Variants in CDK14 observed in about 807,000 individuals in gnomAD.
CDK14 encodes cyclin dependent kinase 14.
CDK14 carries 34 observed loss-of-function variants against 60.7 expected under a neutral mutation model. The ratio of observed to expected loss-of-function variants is 0.56; its 90% confidence interval spans 0.43 to 0.75. CDK14 has a LOEUF of 0.75. Among genes scored for constraint, CDK14 ranks in the 30% least tolerant of loss-of-function variants. CDK14 has a pLI of 0.00. For synonymous variants in CDK14, 197 were observed against 203.7 expected, an observed-to-expected ratio of 0.97 and a Z score of 0.28; for missense variants, 482 against 564.1, an observed-to-expected ratio of 0.85 and a Z score of 1.47.
intron 4 of CDK14, among the ~76,000 whole-genome samples, chr7:90,774,477 C>CT (rs1292890137): frequency 4.6e-5 from 7 of 151,980 alleles, no homozygotes; most frequent in Non-Finnish European, 1.0e-4. Context: ...TTCTCTAATC[C>CT]TTTTTTGTCA....
At chr7:91,142,604 C>T (rs1489258684) in intron 14 of CDK14, among the ~76,000 whole-genome samples, 4 of 152,202 alleles carry the variant, frequency 2.6e-5, no homozygotes, top group Non-Finnish European at 4.4e-5. Context: ...GAGCTGCTGT[C>T]TGAGAACTCA....
chr7:90,642,247 G>C (rs564637558), intron 2 of CDK14, among the ~76,000 whole-genome samples: 1 of 152,158 alleles, frequency 6.6e-6, no homozygotes, highest in Non-Finnish European at 1.5e-5. Context: ...TGCCAGAAAT[G>C]ACATACTTTG....
intron 14 of CDK14, among the ~76,000 whole-genome samples, chr7:91,161,948 CACTG>C (rs1801178024): frequency 6.6e-6 from 1 of 152,174 alleles, no homozygotes; most frequent in African/African-American, 2.4e-5. Flanking sequence ...TTTAATATAA[CACTG>C]AAGTAATAAA....
chr7:90,753,657 G>A (rs550722047), intron 4 of CDK14, among the ~76,000 whole-genome samples: 2 of 152,230 alleles, frequency 1.3e-5, no homozygotes, highest in South Asian at 2.1e-4. Flanking sequence ...GCAAGAGAAA[G>A]AAATAAAAGG....
rs1307709951 is a variant in CDK14, at chr7:90,596,667, G to C, written c.40G>C (p.Gly14Arg). The change falls in exon 1 of 15, where the codon GGC (glycine) becomes CGC (arginine). Residue 14 changes from glycine to arginine, a missense_variant. Transcript: ENST00000380050. Reference sequence around the variant, plus strand: ...TGAGCCGCAGCCGGCCGAGAAGATCGGCAAGATGAAGAAGTTGCGGAGAAC... The same window carrying C: ...TGAGCCGCAGCCGGCCGAGAAGATCCGCAAGATGAAGAAGTTGCGGAGAAC... ...LIEPQPAEKI[G>R]KMKKLRRTLS... 2 of 1,612,184 alleles carry C rather than the reference G, an allele frequency of 1.2e-6. No individual in the cohort carries two copies. The highest frequency in any genetic ancestry group is 1.7e-6 in the Non-Finnish European group (2 of 1,179,438).
At chr7:90,989,646 TG>T (rs1241253058) in intron 10 of CDK14, among the ~76,000 whole-genome samples, 1 of 152,126 alleles carries the variant, frequency 6.6e-6, no homozygotes, top group African/African-American at 2.4e-5. Context: ...GCAATAACGG[TG>T]GATTCTATAT....
At chr7:91,115,005 A>G (rs1276127833) in intron 13 of CDK14, among the ~76,000 whole-genome samples, 1 of 152,208 alleles carries the variant, frequency 6.6e-6, no homozygotes, top group African/African-American at 2.4e-5. Context: ...ATATTAGCAT[A>G]GAGTCTTGTA....
At chr7:90,694,997 C>G (rs1249514755) in intron 2 of CDK14, among the ~76,000 whole-genome samples, 2 of 152,144 alleles carry the variant, frequency 1.3e-5, no homozygotes, top group Non-Finnish European at 2.9e-5. Context: ...CTTATGTGAT[C>G]AGAATAATTC....
intron 11 of CDK14, among the ~76,000 whole-genome samples, chr7:91,063,932 CTT>C (rs1797888656): frequency 6.6e-6 from 1 of 151,976 alleles, no homozygotes; most frequent in South Asian, 2.1e-4. Context: ...CTTATCAGCT[CTT>C]GAGATGCATT....
chr7:90,899,714 A>G (rs897714031), intron 7 of CDK14, among the ~76,000 whole-genome samples: 1 of 152,120 alleles, frequency 6.6e-6, no homozygotes, highest in Non-Finnish European at 1.5e-5. Context: ...AACATAAAGC[A>G]TCATTATGAT....
chr7:90,810,250 C>T (rs1789036396), intron 5 of CDK14, among the ~76,000 whole-genome samples: 1 of 152,176 alleles, frequency 6.6e-6, no homozygotes, highest in Non-Finnish European at 1.5e-5. Context: ...AGTCCAGCAA[C>T]ACATCAAAAA....
At chr7:90,752,404 T>A (rs1264559257) in intron 4 of CDK14, among the ~76,000 whole-genome samples, 1 of 152,034 alleles carries the variant, frequency 6.6e-6, no homozygotes, top group Non-Finnish European at 1.5e-5. Context: ...TTAAACAACT[T>A]CCTCCTGAAT....
intron 2 of CDK14, among the ~76,000 whole-genome samples, chr7:90,685,644 A>G (rs1801415414): frequency 1.6e-5 from 2 of 125,266 alleles, no homozygotes; most frequent in Admixed American, 2.0e-4. Context: ...TTGCCCAGCC[A>G]ATTAATTTTT....
At position 91,208,245 on chromosome 7, in the gene CDK14, A is replaced by C. The variant is rs1486220914; in HGVS notation, c.*1109A>C. On this transcript the variant is annotated 3_prime_UTR_variant, in exon 15 of 15. Coordinates refer to ENST00000380050, the MANE Select transcript of CDK14 (RefSeq NM_001287135.2). ...GAATAACTGTTCAAATGCAGGTTTT[A>C]GAAACAATGCAGGAATCTTGCTTTA... 2 of 152,694 alleles carry C rather than the reference A, an allele frequency of 1.3e-5. No homozygotes were observed. The highest frequency in any genetic ancestry group is 2.9e-5 in the Non-Finnish European group (2 of 68,036). The allele number at this position is 152,694 out of a possible 1,614,324, so 9.5% of individuals were successfully genotyped here. A position where few individuals can be genotyped will look rare whatever the true frequency, so the allele number is the denominator to read the frequency against.
intron 12 of CDK14, among the ~76,000 whole-genome samples, chr7:91,082,625 C>G (rs182470643): frequency 6.6e-6 from 1 of 152,248 alleles, no homozygotes; most frequent in Non-Finnish European, 1.5e-5. Context: ...AGTCTCCAAC[C>G]TGAATTTAAA....
intron 6 of CDK14, among the ~76,000 whole-genome samples, chr7:90,870,820 C>T (rs1251493912): frequency 6.6e-6 from 1 of 152,140 alleles, no homozygotes; most frequent in Non-Finnish European, 1.5e-5. Context: ...TCATATAGAA[C>T]ATTGGTGAAA....
intron 8 of CDK14, among the ~76,000 whole-genome samples, chr7:90,948,500 C>T (rs1794163318): frequency 6.6e-6 from 1 of 152,206 alleles, no homozygotes; most frequent in South Asian, 2.1e-4. Context: ...AGCATTAGTA[C>T]TTGAATGAAT....
intron 10 of CDK14, among the ~76,000 whole-genome samples, chr7:91,041,119 C>T (rs945719075): frequency 1.3e-5 from 2 of 151,904 alleles, no homozygotes; most frequent in Non-Finnish European, 2.9e-5. Context: ...GCCATCATTA[C>T]CTCTTAGTTC....
chr7:90,847,242 C>A (rs1790498926), intron 5 of CDK14, among the ~76,000 whole-genome samples: 1 of 152,090 alleles, frequency 6.6e-6, no homozygotes, highest in African/African-American at 2.4e-5. Flanking sequence ...TTTGCTATAT[C>A]TTTCCATATC....
Sources: gnomAD v4.1 joint callset for allele counts (sites outside exome capture counted in the v4.1 genomes callset) on GRCh38, gnomAD v4.1.1 for gene constraint, MANE v1.5 for transcripts, NCBI Gene and HGNC (gene_info 2026-07-23, HGNC 2026-07-21) for gene names.